The following XPO1 variants were observed in gnomAD, a reference collection of about 807,000 sequenced individuals.
XPO1 encodes exportin 1.
A neutral mutation model predicts 133.3 loss-of-function variants in XPO1; 5 were observed. The ratio of observed to expected loss-of-function variants is 0.04; its 90% CI spans 0.02 to 0.08. The LOEUF (loss-of-function observed/expected upper bound fraction) is 0.08, where lower values mean the gene tolerates loss of function less well. Among genes scored for constraint, XPO1 ranks in the 10% least tolerant of loss-of-function variants. The probability of loss-of-function intolerance (pLI) is 1.00; values close to 1 mark genes in which losing one functional copy is unlikely to be tolerated. For synonymous variants in XPO1, 419 were observed against 408.2 expected (o/e 1.03, Z -0.32); for missense variants, 506 against 1,267.5 (o/e 0.40, Z 9.12).
At chr2:61,487,536 A>G (rs1039462093) in intron 19 of XPO1, among the ~76,000 whole-genome samples, 7 of 152,076 alleles carry the variant, frequency 4.6e-5, no homozygotes, top group African/African-American at 1.7e-4. Flanking sequence ...ACTTGTAAAA[A>G]AAAAAACCAA....
Position 61,516,625 on chromosome 2 carries a change from G to A in XPO1, c.301+5986C>T, listed in dbSNP as rs532676809. Among the ~76,000 whole-genome samples the A allele has an allele frequency of 9.9e-5, 15 of 151,986 alleles. No homozygotes were observed. The East Asian group carries it at 3.0e-3, about 30-fold the overall frequency. ...GATGGGGTTTCTCCATGTTGGTCAG[G>A]CTGGTCTCGAACTCCGGACCTCAGG... On this transcript the variant is annotated intron_variant, in intron 4 of 24. Transcript: ENST00000401558.
Position 61,478,775 on chromosome 2 carries a change from TCTG to T in XPO1, c.*42_*44del, listed in dbSNP as rs1696182002. ...GACAAATACCCACATGCTGTTTTCC[TCTG>T]CTAACGAGTTGCAGAGAAAAAAAAC... On this transcript the variant is annotated 3_prime_UTR_variant, in exon 25 of 25. Transcript: ENST00000401558. 6.3e-7 allele frequency: 1 copy of T among 1,596,842 alleles called. No individual in the cohort carries two copies. The highest frequency in any genetic ancestry group is 2.2e-5 in the East Asian group (1 of 44,482).
chr2:61,517,726 A>G (rs1159454152), intron 4 of XPO1, among the ~76,000 whole-genome samples: 1 of 152,208 alleles, frequency 6.6e-6, no homozygotes, highest in Non-Finnish European at 1.5e-5. Context: ...CTTTAAACCC[A>G]GGAGTTTAAA....
chr2:61,487,036 G>A (rs1423068912), intron 19 of XPO1, among the ~76,000 whole-genome samples: 2 of 150,216 alleles, frequency 1.3e-5, no homozygotes, highest in African/African-American at 2.5e-5. Context: ...AGACTGGGGT[G>A]CAATGGCGCA....
In XPO1 at chr2:61,505,317, G is replaced by T. The variant is rs189055989; in HGVS notation, c.302-3007C>A. On this transcript the variant is annotated intron_variant, in intron 4 of 24. Coordinates refer to ENST00000401558, the MANE Select transcript of XPO1 (RefSeq NM_003400.4). ...CTAATACTATTTTTAAAAACAAAAA[G>T]TAGGAAATCAATTTTCCTTTTAAAT... Among the ~76,000 whole-genome samples, 33 of 151,928 alleles carry T rather than the reference G, an allele frequency of 2.2e-4. No homozygotes were observed. In the East Asian group the frequency reaches 4.6e-3, roughly 21 times the overall value.
At chr2:61,511,659 A>C (rs1167027334) in intron 4 of XPO1, among the ~76,000 whole-genome samples, 1 of 152,190 alleles carries the variant, frequency 6.6e-6, no homozygotes, top group Non-Finnish European at 1.5e-5. Flanking sequence ...AGAGCCTCCC[A>C]AACTGCTGGG....
At chr2:61,491,499 C>CAAAA (rs1553404978) in intron 16 of XPO1, among the ~76,000 whole-genome samples, 3 of 148,668 alleles carry the variant, frequency 2.0e-5, no homozygotes, top group South Asian at 2.1e-4. Flanking sequence ...CACACACACC[C>CAAAA]CAAAACAAAA....
chr2:61,502,916 C>T (rs1457561576), intron 4 of XPO1, among the ~76,000 whole-genome samples: 1 of 150,906 alleles, frequency 6.6e-6, no homozygotes, highest in Non-Finnish European at 1.5e-5. Context: ...CTATAACAAA[C>T]TGCTATTCCA....
chr2:61,489,861 AT>A (rs1347616930), intron 17 of XPO1, among the ~76,000 whole-genome samples: 4 of 146,618 alleles, frequency 2.7e-5, no homozygotes, highest in Non-Finnish European at 4.5e-5. Flanking sequence ...GCCTATTCCT[AT>A]TTTAATATCA....
rs752707853 is a variant in XPO1 at position 61,492,011 on chromosome 2, A to C, written c.1887+24T>G. The C allele has an allele frequency of 2.5e-6, 4 of 1,610,384 alleles. No individual in the cohort carries two copies. Among genetic ancestry groups the C allele is most frequent in the Non-Finnish European group, 3.4e-6 (4 of 1,177,764 alleles). On this transcript the variant is annotated intron_variant, in intron 16 of 24. Coordinates refer to ENST00000401558, the MANE Select transcript of XPO1 (RefSeq NM_003400.4). The surrounding 1 kb of genome is among the most constrained non-coding windows in gnomAD (Gnocchi z 5.6). ...ATACAAGTGTTACTTTCTAAAAATA[A>C]CATATGCTCAGTGCTTAACATACCT...
chr2:61,478,723 A>G lies in XPO1; in HGVS notation c.*97T>C. 1 of 1,334,674 alleles carries G rather than the reference A, an allele frequency of 7.5e-7. No homozygotes were observed. Among genetic ancestry groups the G allele is most frequent in the East Asian group, 2.5e-5 (1 of 40,636 alleles). The allele number at this position is 1,334,674 out of a possible 1,614,324, so 82.7% of individuals were successfully genotyped here. On this transcript the variant is annotated 3_prime_UTR_variant, in exon 25 of 25. Coordinates refer to ENST00000401558, the MANE Select transcript of XPO1 (RefSeq NM_003400.4). ...AAAAAGGGCCACTAGGTGACATTTT[A>G]ATTTACAAATTGGCATCATTTTGGT...
intron 17 of XPO1, 30 bp from the exon 18 acceptor site, chr2:61,488,801 T>C (rs1573117671): frequency 6.2e-7 from 1 of 1,609,526 alleles, no homozygotes; most frequent in Admixed American, 1.7e-5. Flanking sequence ...ATTCCATTTA[T>C]CATATAAGAA....
chr2:61,479,437 A>T (rs543678267), intron 24 of XPO1, among the ~76,000 whole-genome samples: 2 of 144,384 alleles, frequency 1.4e-5, no homozygotes, highest in Non-Finnish European at 3.0e-5. Context: ...GGGTGATAAA[A>T]GCGAGACTGT....
intron 4 of XPO1, among the ~76,000 whole-genome samples, chr2:61,517,811 C>A (rs1316538749): frequency 6.6e-6 from 1 of 151,858 alleles, no homozygotes; most frequent in Non-Finnish European, 1.5e-5. Context: ...CATGGTGGTG[C>A]GGACCTACAG....
chr2:61,510,894 C>CG (rs1558658762), intron 4 of XPO1, among the ~76,000 whole-genome samples: 1 of 150,394 alleles, frequency 6.6e-6, no homozygotes, highest in East Asian at 2.0e-4. Context: ...GCCATGATCC[C>CG]GCCACTGCAC....
intron 4 of XPO1, among the ~76,000 whole-genome samples, chr2:61,505,568 AT>A (rs377692301): frequency 1.3e-4 from 19 of 147,322 alleles, no homozygotes; most frequent in African/African-American, 1.7e-4. Context: ...CTTTTTTTGT[AT>A]TTTTTTTTTG....
intron 17 of XPO1, among the ~76,000 whole-genome samples, chr2:61,490,336 T>A (rs1696917153): frequency 6.6e-6 from 1 of 152,114 alleles, no homozygotes; most frequent in Admixed American, 6.5e-5. Flanking sequence ...GTAGCTGGGA[T>A]TACAGGCATG....
intron 16 of XPO1, 69 bp downstream of exon 16, chr2:61,491,966 C>A: frequency 6.5e-7 from 1 of 1,545,056 alleles, no homozygotes; most frequent in South Asian, 1.2e-5. Context: ...CCTCCTATTT[C>A]CATTGATACA....
intron 10 of XPO1, 44 bp downstream of exon 10, chr2:61,496,835 G>A (rs372854773): frequency 5.7e-5 from 84 of 1,461,188 alleles, no homozygotes; most frequent in Non-Finnish European, 7.2e-5. Flanking sequence ...ATTTTCTAAG[G>A]CACTAAAATT....
Sources: gnomAD v4.1 joint callset for allele counts (sites outside exome capture counted in the v4.1 genomes callset) on GRCh38, gnomAD v4.1.1 for gene constraint, Gnocchi (gnomAD v3.1) non-coding constraint, MANE v1.5 for transcripts, NCBI Gene and HGNC (gene_info 2026-07-23, HGNC 2026-07-21) for gene names.